Variants in RNF157 observed in about 807,000 individuals in gnomAD.
The protein encoded by RNF157 is E3 ubiquitin ligase RNF157.
RNF157 carries 55 observed loss-of-function variants against 88.3 expected under a neutral mutation model. The ratio of observed to expected loss-of-function variants is 0.62; its 90% CI spans 0.50 to 0.78. The LOEUF is 0.78. Ranked by LOEUF, RNF157 falls within the 30% of genes least tolerant of loss-of-function variation. The pLI is 0.00. For missense variants in RNF157, 788 were observed against 860.8 expected, an observed-to-expected ratio of 0.92 and a Z score of 1.06; for synonymous variants, 334 against 341.2, an observed-to-expected ratio of 0.98 and a Z score of 0.23.
chr17:76,162,186 G>C, intron 9 of RNF157, 184 bp from the exon 10 acceptor site: 1 of 649,126 alleles, frequency 1.5e-6, no homozygotes, highest in Non-Finnish European at 2.6e-6. Flanking sequence ...TCTGGGAAGT[G>C]TTTATCTAAA....
intron 1 of RNF157, among the ~76,000 whole-genome samples, chr17:76,217,250 C>T (rs2069904390): frequency 6.6e-6 from 1 of 152,170 alleles, no homozygotes; most frequent in East Asian, 1.9e-4. Context: ...GTCAAGAGAC[C>T]TGCCCGCCTC....
chr17:76,184,019 G>A (rs1280135443), intron 2 of RNF157, among the ~76,000 whole-genome samples: 3 of 151,840 alleles, frequency 2.0e-5, no homozygotes, highest in South Asian at 2.1e-4. Flanking sequence ...GTGAAACCCC[G>A]TCTCTACTAA....
At chr17:76,201,549 A>G (rs2069578745) in intron 2 of RNF157, among the ~76,000 whole-genome samples, 1 of 152,142 alleles carries the variant, frequency 6.6e-6, no homozygotes, top group Admixed American at 6.6e-5. Context: ...ATATGAATTA[A>G]GAAGTGAATA....
rs62090129 is a variant in RNF157, at chr17:76,176,884, C to T, written c.208-3094G>A. ...TCCGCTTCGGGCACCTGGCCATTGG[C>T]GCAGCCACTGTGCCCACCCTGCCGA... On this transcript the variant is annotated intron_variant, in intron 2 of 18. Transcript: ENST00000269391. The surrounding 1 kb of genome is among the most constrained non-coding windows in gnomAD (Gnocchi z 4.2). Among the ~76,000 whole-genome samples the T allele has an allele frequency of 0.08, 12,112 of 152,242 alleles. 647 individuals are homozygous for T. Among genetic ancestry groups the T allele is most frequent in the Non-Finnish European group, 0.12 (8,182 of 67,972 alleles).
At chr17:76,181,770 T>C (rs975139168) in intron 2 of RNF157, among the ~76,000 whole-genome samples, 6 of 151,050 alleles carry the variant, frequency 4.0e-5, no homozygotes, top group African/African-American at 1.5e-4. Flanking sequence ...CAGCTGGGTG[T>C]GGTGGCGTGT....
rs535518682 is a variant in RNF157 at position 76,196,102 on chromosome 17, G to A, written c.207+16262C>T. On this transcript the variant is annotated intron_variant, in intron 2 of 18. Transcript: ENST00000269391. ...ACTCTCAACACACTGCCTTTGGGTA[G>A]CCCTGCTCTGCAGGAGCAGTCACAG... 1.1e-4 allele frequency among the ~76,000 whole-genome samples: 16 copies of A among 152,298 alleles called. No homozygotes were observed. The South Asian group carries it at 3.1e-3, about 30-fold the overall frequency.
At chr17:76,198,139 CAA>C (rs1171380508) in intron 2 of RNF157, among the ~76,000 whole-genome samples, 1 of 152,184 alleles carries the variant, frequency 6.6e-6, no homozygotes, top group Non-Finnish European at 1.5e-5. Flanking sequence ...GCTGGACCTG[CAA>C]AGAGAGGAGA....
chr17:76,168,794 A>G (rs540469352), intron 3 of RNF157, among the ~76,000 whole-genome samples: 17 of 152,356 alleles, frequency 1.1e-4, no homozygotes, highest in Admixed American at 2.0e-4. Context: ...GTTGGGAAAT[A>G]AACTTTTGAG....
At chr17:76,201,781 A>G (rs1214433508) in intron 2 of RNF157, among the ~76,000 whole-genome samples, 2 of 152,182 alleles carry the variant, frequency 1.3e-5, no homozygotes, top group Non-Finnish European at 2.9e-5. Flanking sequence ...ACGCAGATCT[A>G]TCTAATTTTT....
intron 2 of RNF157, among the ~76,000 whole-genome samples, chr17:76,197,673 A>G (rs1236935335): frequency 6.6e-6 from 1 of 152,174 alleles, no homozygotes; most frequent in Non-Finnish European, 1.5e-5. Flanking sequence ...GTCTCAAGCC[A>G]TCTTCCCACC....
chr17:76,229,666 A>C (rs1050720138), intron 1 of RNF157, among the ~76,000 whole-genome samples: 1 of 152,332 alleles, frequency 6.6e-6, no homozygotes, highest in East Asian at 1.9e-4. Context: ...CTTTATCTGA[A>C]GAGCTGGCAC....
chr17:76,214,312 G>C (rs1383035750), intron 1 of RNF157, among the ~76,000 whole-genome samples: 1 of 152,172 alleles, frequency 6.6e-6, no homozygotes, highest in African/African-American at 2.4e-5. Flanking sequence ...GGTCACAGAA[G>C]TTTTCTGTGC....
intron 1 of RNF157, among the ~76,000 whole-genome samples, chr17:76,220,107 C>T (rs1598439407): frequency 6.6e-6 from 1 of 152,038 alleles, no homozygotes; most frequent in African/African-American, 2.4e-5. Context: ...CCGCTAGCAT[C>T]CAGCCTGTAA....
chr17:76,183,080 G>A (rs966039068), intron 2 of RNF157, among the ~76,000 whole-genome samples: 1 of 150,910 alleles, frequency 6.6e-6, no homozygotes, highest in Non-Finnish European at 1.5e-5. Flanking sequence ...GATTACAGGC[G>A]TCTGCCACCA....
chr17:76,147,881 A>G (rs112057189), intron 18 of RNF157, among the ~76,000 whole-genome samples: 2,033 of 152,252 alleles, frequency 0.013, 55 homozygotes, highest in African/African-American at 0.045. Context: ...TTCATGTCTC[A>G]GTTTTTGGGA....
At chr17:76,167,235 A>C (rs2068942245) in intron 4 of RNF157, 109 bp from the exon 5 acceptor site, 1 of 822,846 alleles carries the variant, frequency 1.2e-6, no homozygotes, top group Non-Finnish European at 2.0e-6. Context: ...TCTAGCGAAG[A>C]GAAGAAAGGG....
chr17:76,205,812 AG>A, intron 2 of RNF157, among the ~76,000 whole-genome samples: 1 of 152,302 alleles, frequency 6.6e-6, no homozygotes, highest in Non-Finnish European at 1.5e-5. Context: ...ATGAGGAAGA[AG>A]AAACTGTGTC....
chr17:76,171,019 A>C (rs1160895233), intron 3 of RNF157, among the ~76,000 whole-genome samples: 1 of 151,712 alleles, frequency 6.6e-6, no homozygotes, highest in Non-Finnish European at 1.5e-5. Flanking sequence ...CAGCCTCCCA[A>C]ATAGCTGGGA....
chr17:76,240,104 G>T lies in RNF157; in HGVS notation c.88+49C>A. On this transcript the variant is annotated intron_variant, in intron 1 of 18. Transcript: ENST00000269391. This position sits in a 1 kb window ranked among gnomAD's most constrained non-coding sequence, Gnocchi z 4.4. ...TCAGGCCGTCCCGACCCAGACCCCT[G>T]CCCCTGCCCCTCTCCCTCCTCGCGG... 1 of 1,144,646 alleles carries T rather than the reference G, an allele frequency of 8.7e-7. No homozygotes were observed. The highest frequency in any genetic ancestry group is 1.1e-6 in the Non-Finnish European group (1 of 898,848). 70.9% of individuals were successfully genotyped at this position (1,144,646 alleles called of 1,614,324 possible).
Sources: gnomAD v4.1 joint callset for allele counts (sites outside exome capture counted in the v4.1 genomes callset) on GRCh38, gnomAD v4.1.1 for gene constraint, Gnocchi (gnomAD v3.1) non-coding constraint, MANE v1.5 for transcripts, NCBI Gene and HGNC (gene_info 2026-07-23, HGNC 2026-07-21) for gene names.